CTSC: variants seen among roughly 807,000 people sequenced by gnomAD.
CTSC encodes dipeptidyl peptidase 1.
Under a neutral mutation model 40.9 loss-of-function variants are expected in CTSC, and 37 were observed. That is an observed-to-expected ratio of 0.91 (90% CI 0.70 to 1.19). The LOEUF is 1.19. CTSC is among the 50% of genes most tolerant of loss of function. The probability of loss-of-function intolerance (pLI) is 0.00; values close to 1 mark genes in which losing one functional copy is unlikely to be tolerated. For synonymous variants in CTSC, 232 were observed against 207.4 expected (o/e 1.12, Z -1.02); for missense variants, 594 against 567.3 (o/e 1.05, Z -0.48).
rs1944273205 is a variant in CTSC at position 88,294,219 on chromosome 11, T to C, written c.1179A>G (p.Leu393=). The C allele has an allele frequency of 1.2e-6, 2 of 1,613,986 alleles. No individual in the cohort carries two copies. Among genetic ancestry groups the C allele is most frequent in the East Asian group, 4.5e-5 (2 of 44,864 alleles). The change falls in exon 7 of 7, where the codon CTA becomes CTG. Residue 393 remains leucine, a synonymous_variant. Coordinates refer to ENST00000227266, the MANE Select transcript of CTSC (RefSeq NM_001814.6). ...GCTCAAAGGGGTTGAAAGGGTCTCT[T>C]AGACCAGTGTGGTGGTAGATCCCCT... is the stretch of plus-strand genomic sequence containing the variant. ...YKKGIYHHTG[L]RDPFNPFELT... is the part of the protein sequence containing the mutation.
intron 2 of CTSC, among the ~76,000 whole-genome samples, chr11:88,329,740 G>C (rs1195424277): frequency 6.6e-6 from 1 of 152,024 alleles, no homozygotes; most frequent in Non-Finnish European, 1.5e-5. Context: ...GTTTTGTTTT[G>C]TTTGGAGACA....
chr11:88,296,383 A>C, intron 5 of CTSC, 119 bp from the exon 6 acceptor site: 1 of 1,238,204 alleles, frequency 8.1e-7, no homozygotes, highest in South Asian at 1.3e-5. Context: ...TGTTTATAAG[A>C]ATCAGCACAA....
chr11:88,304,572 G>A (rs1392164164), intron 4 of CTSC, among the ~76,000 whole-genome samples: 2 of 152,136 alleles, frequency 1.3e-5, no homozygotes, highest in Non-Finnish European at 2.9e-5. Context: ...ATAGGAGCTG[G>A]GTAAGATGAG....
chr11:88,327,434 T>G (rs1469510190), intron 2 of CTSC, among the ~76,000 whole-genome samples: 1 of 152,182 alleles, frequency 6.6e-6, no homozygotes, highest in African/African-American at 2.4e-5. Flanking sequence ...GAAGGGTAAG[T>G]CTCTATTAAT....
At position 88,321,776 on chromosome 11, in the gene CTSC, C is replaced by T. The variant is rs557725080; in HGVS notation, c.319-9222G>A. ...ATGTATCTTTGTAATAGAATGATTT[C>T]TATTCCTTTGGGTCTATATGCAGTA... is the stretch of plus-strand genomic sequence containing the variant. On this transcript the variant is annotated intron_variant, in intron 2 of 6. Coordinates refer to ENST00000227266, the MANE Select transcript of CTSC (RefSeq NM_001814.6). 160 of 152,216 alleles carry T rather than the reference C, an allele frequency of 1.1e-3. 1 individual carries two copies. Among genetic ancestry groups the T allele is most frequent in the African/African-American group, 3.5e-3 (145 of 41,546 alleles). The allele number at this position is 152,216 out of a possible 1,614,324, so 9.4% of individuals were successfully genotyped here.
intron 2 of CTSC, among the ~76,000 whole-genome samples, chr11:88,317,923 G>A (rs1027585108): frequency 6.6e-6 from 1 of 152,118 alleles, no homozygotes; most frequent in African/African-American, 2.4e-5. Context: ...CTATCCATTT[G>A]CTTCTTCAAT....
At chr11:88,308,546 G>A (rs556023183) in intron 4 of CTSC, among the ~76,000 whole-genome samples, 1 of 147,712 alleles carries the variant, frequency 6.8e-6, no homozygotes, top group African/African-American at 2.5e-5. Context: ...TCTGACACCC[G>A]TGGTTCTACC....
intron 2 of CTSC, among the ~76,000 whole-genome samples, chr11:88,316,584 C>T (rs187871510): frequency 1.3e-5 from 2 of 149,430 alleles, no homozygotes; most frequent in Admixed American, 6.7e-5. Flanking sequence ...TCACGATAGT[C>T]TATCAGGTTG....
intron 4 of CTSC, among the ~76,000 whole-genome samples, chr11:88,301,804 A>ACG (rs144184525): frequency 2.2e-5 from 2 of 91,126 alleles, no homozygotes; most frequent in South Asian, 3.1e-4. Context: ...ACACAAACAC[A>ACG]CGCGCGCACA....
At chr11:88,306,972 T>TC (rs1162755866) in intron 4 of CTSC, among the ~76,000 whole-genome samples, 1 of 152,088 alleles carries the variant, frequency 6.6e-6, no homozygotes, top group African/African-American at 2.4e-5. Context: ...CTCTGCATGC[T>TC]CCCCCTAGGG....
intron 5 of CTSC, chr11:88,298,800 A>T (rs1011263278): frequency 6.6e-6 from 1 of 152,226 alleles, no homozygotes; most frequent in African/African-American, 2.4e-5. Flanking sequence ...ATGGGAGAAA[A>T]TAACAGCTTT....
chr11:88,311,275 G>A lies in CTSC; in HGVS notation c.485+1113C>T, dbSNP rs551790561. Among the ~76,000 whole-genome samples the A allele has an allele frequency of 9.2e-5, 14 of 152,298 alleles. No individual in the cohort carries two copies. In the South Asian group the frequency reaches 1.9e-3, roughly 20 times the overall value. On this transcript the variant is annotated intron_variant, in intron 3 of 6. Coordinates refer to ENST00000227266, the MANE Select transcript of CTSC (RefSeq NM_001814.6). ...AGTAAATGTGTAGCTCTAGGATCAA[G>A]CCAAACAAAGCTATTTAAAACCTAA...
rs990581958 is a variant in CTSC at position 88,303,514 on chromosome 11, G to A, written c.642-2869C>T. 3.9e-5 allele frequency among the ~76,000 whole-genome samples: 6 copies of A among 152,298 alleles called. No individual in the cohort carries two copies. In the East Asian group the frequency reaches 7.7e-4, roughly 20 times the overall value. On this transcript the variant is annotated intron_variant, in intron 4 of 6. Transcript: ENST00000227266. ...TAATGTTTAGTGGTTTATTATAAAA[G>A]ATACTACAAATGAAACAGATGAAGA...
At chr11:88,329,138 C>T (rs1938270968) in intron 2 of CTSC, among the ~76,000 whole-genome samples, 1 of 150,926 alleles carries the variant, frequency 6.6e-6, no homozygotes, top group South Asian at 2.1e-4. Context: ...CTTTTAGAGT[C>T]AGTTTCTTTT....
At chr11:88,297,016 T>C (rs1048087758) in intron 5 of CTSC, 1 of 153,036 alleles carries the variant, frequency 6.5e-6, no homozygotes, top group Non-Finnish European at 1.5e-5. Context: ...GTGTACAACC[T>C]GCTCACTTGA....
rs1565249347 is a variant in CTSC, at chr11:88,294,017, G to T, written c.1381C>A (p.Pro461Thr). 1.2e-6 allele frequency: 2 copies of T among 1,613,926 alleles called. No homozygotes were observed. The highest frequency in any genetic ancestry group is 1.7e-6 in the Non-Finnish European group (2 of 1,179,976). ...ESIAVAATPIPKL is the reference protein window; with the variant it reads ...ESIAVAATPITKL ...CTGGAAGGCATACCCTACAATTTAG[G>T]AATTGGTGTGGCTGCCACTGCTATG... The change falls in exon 7 of 7, where the codon CCT becomes ACT. Residue 461 changes from proline to threonine, a missense_variant. By Grantham distance (38) the Pro-to-Thr change is conservative. Transcript: ENST00000227266.
chr11:88,320,597 G>A (rs916927134), intron 2 of CTSC, among the ~76,000 whole-genome samples: 3 of 152,174 alleles, frequency 2.0e-5, no homozygotes, highest in African/African-American at 7.2e-5. Flanking sequence ...AGTTTTGAAA[G>A]TTAGAACATC....
At position 88,300,619 on chromosome 11, in the gene CTSC, TCAG is replaced by T; in HGVS notation, c.665_667del (p.Ala222del). 6.2e-7 allele frequency: 1 copy of T among 1,613,084 alleles called. No individual in the cohort carries two copies. Reference sequence around the variant, plus strand: ...CAAATGCAAAATCTTTTGCTGTATTTCAGCAGTCAGTGGTGCAGGTTTGGGCCT... The same window carrying T: ...CAAATGCAAAATCTTTTGCTGTATTTCAGTCAGTGGTGCAGGTTTGGGCCT... On this transcript the variant is annotated inframe_deletion, in exon 5 of 7. Transcript: ENST00000227266.
chr11:88,321,632 A>G (rs1938016550), intron 2 of CTSC: 1 of 152,306 alleles, frequency 6.6e-6, no homozygotes, highest in Middle Eastern at 3.4e-3. Context: ...TTATTGCTGC[A>G]TAGTATTCCA....
Sources: allele counts gnomAD v4.1 joint callset (sites outside exome capture counted in the v4.1 genomes callset), GRCh38; gene constraint gnomAD v4.1.1; transcripts MANE v1.5; gene names NCBI Gene and HGNC (gene_info 2026-07-23, HGNC 2026-07-21).